MTHFS: variants seen among roughly 807,000 people sequenced by gnomAD.
MTHFS encodes methenyltetrahydrofolate synthetase.
In MTHFS, 7 loss-of-function variants were observed where a neutral mutation model predicts 12.7. That is an observed-to-expected ratio of 0.55 (90% confidence interval 0.31 to 1.03). MTHFS has a LOEUF of 1.03. Among genes scored for constraint, MTHFS ranks in the 50% least tolerant of loss-of-function variants. The probability of loss-of-function intolerance (pLI) is 0.05; values close to 1 mark genes in which losing one functional copy is unlikely to be tolerated. For synonymous variants in MTHFS, 100 were observed against 97.1 expected (o/e 1.03, Z -0.18); for missense variants, 252 against 258.1 (o/e 0.98, Z 0.16).
chr15:79,884,750 C>G (rs1256040741), intron 2 of MTHFS, among the ~76,000 whole-genome samples: 1 of 152,112 alleles, frequency 6.6e-6, no homozygotes, highest in African/African-American at 2.4e-5. Context: ...AAATAAGGAA[C>G]AGTGAGACAT....
In MTHFS at chr15:79,886,039, G is replaced by A. The variant is rs115859694; in HGVS notation, c.379+3054C>T. Among the ~76,000 whole-genome samples the A allele has an allele frequency of 4.3e-3, 661 of 152,318 alleles. 1 individual carries two copies. Among genetic ancestry groups the A allele is most frequent in the African/African-American group, 0.014 (593 of 41,554 alleles). ...TGAGGATAAACTTGGGAAAGAATCC[G>A]ACCCTCGATTTCATTTAGCAATCTA... On this transcript the variant is annotated intron_variant, in intron 2 of 2. Transcript: ENST00000258874.
intron 2 of MTHFS, among the ~76,000 whole-genome samples, chr15:79,856,990 A>G (rs1428721491): frequency 1.4e-5 from 2 of 145,632 alleles, no homozygotes; most frequent in African/African-American, 5.0e-5. Context: ...ATGAGCTCGC[A>G]AAGTCACTTT....
rs550840166 is a variant in MTHFS at position 79,858,562 on chromosome 15, C to T, written c.380-13120G>A. On this transcript the variant is annotated intron_variant, in intron 2 of 2. Coordinates refer to ENST00000258874, the MANE Select transcript of MTHFS (RefSeq NM_006441.4). The stretch of plus-strand genomic sequence containing the variant: ...ACTGACTTAGATGATCTTCAAATCC[C>T]TTCCAATTCAGATAATCCCCTATGT... Among the ~76,000 whole-genome samples, 10 of 152,268 alleles carry T rather than the reference C, an allele frequency of 6.6e-5. No individual in the cohort carries two copies. In the South Asian group the frequency reaches 1.9e-3, roughly 28 times the overall value.
chr15:79,848,924 C>A (rs2033665117), intron 2 of MTHFS, among the ~76,000 whole-genome samples: 1 of 152,138 alleles, frequency 6.6e-6, no homozygotes, highest in South Asian at 2.1e-4. Flanking sequence ...CAGAATGGAT[C>A]AATCCTAGCA....
intron 2 of MTHFS, among the ~76,000 whole-genome samples, chr15:79,858,621 G>C (rs2033853858): frequency 6.6e-6 from 1 of 152,102 alleles, no homozygotes; most frequent in Non-Finnish European, 1.5e-5. Flanking sequence ...CAGAAATTGG[G>C]AGACTGAAGA....
intron 2 of MTHFS, among the ~76,000 whole-genome samples, chr15:79,874,570 G>A (rs973752073): frequency 1.3e-5 from 2 of 152,070 alleles, no homozygotes; most frequent in African/African-American, 4.8e-5. Context: ...CCTAGCCCTA[G>A]GACATTTATT....
At chr15:79,888,326 A>C (rs1388954781) in intron 2 of MTHFS, among the ~76,000 whole-genome samples, 1 of 152,184 alleles carries the variant, frequency 6.6e-6, no homozygotes, top group Non-Finnish European at 1.5e-5. Context: ...CAAGATTAGG[A>C]AGAACCTCGT....
In MTHFS at chr15:79,854,813, T is replaced by C. The variant is rs941420201; in HGVS notation, c.380-9371A>G. Reference sequence around the variant, plus strand: ...ACTCTAAAATCATGTCAACAGATAATAGTAATTTGATTTACATTATTTTCT... The same window carrying C: ...ACTCTAAAATCATGTCAACAGATAACAGTAATTTGATTTACATTATTTTCT... On this transcript the variant is annotated intron_variant, in intron 2 of 2. Coordinates refer to ENST00000258874, the MANE Select transcript of MTHFS (RefSeq NM_006441.4). Among the ~76,000 whole-genome samples the C allele has an allele frequency of 3.9e-5, 6 of 152,302 alleles. No homozygotes were observed. In the East Asian group the frequency reaches 9.6e-4, roughly 24 times the overall value.
chr15:79,880,783 TA>T (rs2034283238), intron 2 of MTHFS, among the ~76,000 whole-genome samples: 1 of 131,304 alleles, frequency 7.6e-6, no homozygotes, highest in Non-Finnish European at 1.6e-5. Flanking sequence ...TCCCTGCAAG[TA>T]GTAAAGCAAA....
At chr15:79,881,691 G>A (rs1384360866) in intron 2 of MTHFS, among the ~76,000 whole-genome samples, 3 of 152,148 alleles carry the variant, frequency 2.0e-5, no homozygotes, top group Non-Finnish European at 4.4e-5. Context: ...AGTTACCAAG[G>A]GTACCTGTTC....
upstream of MTHFS, chr15:79,897,190 C>A (rs971266028): frequency 2.1e-6 from 1 of 481,540 alleles, no homozygotes; most frequent in Non-Finnish European, 3.5e-6. Context: ...ACCCAGCCCT[C>A]GTGCGGTCCC....
At chr15:79,857,984 C>A (rs1259690891) in intron 2 of MTHFS, among the ~76,000 whole-genome samples, 1 of 146,276 alleles carries the variant, frequency 6.8e-6, no homozygotes, top group East Asian at 2.0e-4. Flanking sequence ...CCACTGCACT[C>A]CAGCCTGGGT....
chr15:79,880,441 T>C (rs1356405946), intron 2 of MTHFS, among the ~76,000 whole-genome samples: 1 of 152,014 alleles, frequency 6.6e-6, no homozygotes, highest in Non-Finnish European at 1.5e-5. Flanking sequence ...ACGATTAACA[T>C]AAAAGATAAA....
chr15:79,845,587 T>G, intron 2 of MTHFS, 145 bp from the exon 3 acceptor site: 1 of 1,197,376 alleles, frequency 8.4e-7, no homozygotes. Context: ...AAGCACAGAG[T>G]TGGACAAAAA....
At chr15:79,846,314 T>C (rs754987814) in intron 2 of MTHFS, among the ~76,000 whole-genome samples, 1 of 152,192 alleles carries the variant, frequency 6.6e-6, no homozygotes, top group Non-Finnish European at 1.5e-5. Flanking sequence ...TCAAACCCAG[T>C]AGTCTGCCCT....
intron 2 of MTHFS, among the ~76,000 whole-genome samples, chr15:79,855,063 G>GAATCACTGC (rs1410703268): frequency 6.6e-6 from 1 of 152,070 alleles, no homozygotes; most frequent in East Asian, 1.9e-4. Context: ...CAGCAGAATT[G>GAATCACTGC]AATCACTGCA....
chr15:79,871,892 C>T (rs184261762), intron 2 of MTHFS, among the ~76,000 whole-genome samples: 13 of 151,858 alleles, frequency 8.6e-5, no homozygotes, highest in Admixed American at 2.0e-4. Flanking sequence ...ATCACGAGGT[C>T]GGGAGATTGA....
chr15:79,888,777 TTAA>T (rs766360886), intron 2 of MTHFS, among the ~76,000 whole-genome samples: 1 of 152,204 alleles, frequency 6.6e-6, no homozygotes, highest in Non-Finnish European at 1.5e-5. Context: ...CTCATTAACA[TTAA>T]TAATAATATG....
At chr15:79,890,928 A>C (rs2034462347) in intron 1 of MTHFS, among the ~76,000 whole-genome samples, 1 of 152,260 alleles carries the variant, frequency 6.6e-6, no homozygotes, top group African/African-American at 2.4e-5. Context: ...TGCTCTCTTT[A>C]CAGCAGAATA....
Sources: gnomAD v4.1 joint callset for allele counts (sites outside exome capture counted in the v4.1 genomes callset) on GRCh38, gnomAD v4.1.1 for gene constraint, MANE v1.5 for transcripts, NCBI Gene and HGNC (gene_info 2026-07-23, HGNC 2026-07-21) for gene names.